The following GLDN variants were observed in gnomAD, a reference collection of about 807,000 sequenced individuals.
GLDN encodes gliomedin.
Under a neutral mutation model 56.5 loss-of-function variants are expected in GLDN, and 47 were observed. That is an observed-to-expected ratio of 0.83 (90% CI 0.66 to 1.06). GLDN has a LOEUF of 1.06. Ranked by LOEUF, GLDN falls within the 50% of genes least tolerant of loss-of-function variation. The pLI is 0.00. For synonymous variants in GLDN, 332 were observed against 278.8 expected, an observed-to-expected ratio of 1.19 and a Z score of -1.90; for missense variants, 782 against 714.3, an observed-to-expected ratio of 1.09 and a Z score of -1.08.
At chr15:51,350,608 T>G (rs1352300848) in intron 1 of GLDN, among the ~76,000 whole-genome samples, 1 of 152,166 alleles carries the variant, frequency 6.6e-6, no homozygotes, top group Non-Finnish European at 1.5e-5. Context: ...CAGCCATATC[T>G]CTGCTAAGAT....
At position 51,376,211 on chromosome 15, in the gene GLDN, C is replaced by T. The variant is rs567968392; in HGVS notation, c.364-1238C>T. Among the ~76,000 whole-genome samples the T allele has an allele frequency of 3.3e-5, 5 of 152,306 alleles. No homozygotes were observed. In the South Asian group the frequency reaches 1.0e-3, roughly 32 times the overall value. ...GGAAACTAGATGCCATAGCCTACAA[C>T]ACACCTCAGCTATGTGGAAAAGCCT... On this transcript the variant is annotated intron_variant, in intron 1 of 9. Coordinates refer to ENST00000335449, the MANE Select transcript of GLDN (RefSeq NM_181789.4).
chr15:51,369,399 A>G (rs764531), intron 1 of GLDN, among the ~76,000 whole-genome samples: 1 of 152,276 alleles, frequency 6.6e-6, no homozygotes, highest in Admixed American at 6.5e-5. Flanking sequence ...GCATTTAAAC[A>G]GTGTTCCAGC....
intron 1 of GLDN, among the ~76,000 whole-genome samples, chr15:51,346,899 C>A (rs750920728): frequency 6.6e-5 from 10 of 152,130 alleles, no homozygotes; most frequent in Non-Finnish European, 1.5e-4. Context: ...AACCCTGTCT[C>A]TACTAAAAAT....
chr15:51,381,580 A>C (rs1271583154), intron 2 of GLDN, among the ~76,000 whole-genome samples: 1 of 152,028 alleles, frequency 6.6e-6, no homozygotes, highest in Non-Finnish European at 1.5e-5. Context: ...AATAGCCTCT[A>C]TCCATCTGTA....
In GLDN at chr15:51,349,951, G is replaced by A. The variant is rs368262209; in HGVS notation, c.363+7904G>A. On this transcript the variant is annotated intron_variant, in intron 1 of 9. Transcript: ENST00000335449. ...GTAGAGACGGGGTTTCACCGTGTTA[G>A]CCAGGATGGTCCTGATCTCCTGACC... is the stretch of plus-strand genomic sequence containing the variant. 1.7e-3 allele frequency among the ~76,000 whole-genome samples: 260 copies of A among 152,202 alleles called. 1 individual carries two copies. The highest frequency in any genetic ancestry group is 6.0e-3 in the African/African-American group (250 of 41,524).
At chr15:51,369,781 CTG>C (rs900709663) in intron 1 of GLDN, among the ~76,000 whole-genome samples, 45 of 152,162 alleles carry the variant, frequency 3.0e-4, no homozygotes, top group African/African-American at 9.9e-4. Context: ...AAGCAAAAAT[CTG>C]TGTTTCAAGT....
chr15:51,366,061 A>G (rs1399635631), intron 1 of GLDN, among the ~76,000 whole-genome samples: 1 of 152,254 alleles, frequency 6.6e-6, no homozygotes, highest in Non-Finnish European at 1.5e-5. Flanking sequence ...AAATGGATTT[A>G]CAGATGCTTC....
At chr15:51,373,620 C>T (rs2459400) in intron 1 of GLDN, among the ~76,000 whole-genome samples, 1,815 of 152,304 alleles carry the variant, frequency 0.012, 10 homozygotes, top group Non-Finnish European at 0.017. Context: ...CAGTGAAGCT[C>T]ACCATGTAAA....
chr15:51,383,538 G>A, intron 3 of GLDN, 85 bp downstream of exon 3: 2 of 1,511,342 alleles, frequency 1.3e-6, no homozygotes, highest in Non-Finnish European at 1.8e-6. Flanking sequence ...GATGCGGGGA[G>A]GGCAAGAGCC....
chr15:51,368,794 T>C (rs1189497770), intron 1 of GLDN, among the ~76,000 whole-genome samples: 1 of 152,190 alleles, frequency 6.6e-6, no homozygotes, highest in Non-Finnish European at 1.5e-5. Flanking sequence ...CATATGACTA[T>C]GTAAGCTGAT....
chr15:51,400,778 T>C (rs182463841), intron 8 of GLDN, among the ~76,000 whole-genome samples: 39 of 152,342 alleles, frequency 2.6e-4, no homozygotes, highest in Admixed American at 6.5e-4. Context: ...AATAGCATTA[T>C]GACTGCAGGC....
rs574412532 is a variant in GLDN at position 51,390,871 on chromosome 15, AG to A, written c.542-3960del. Among the ~76,000 whole-genome samples the A allele has an allele frequency of 1.2e-3, 177 of 152,330 alleles. 1 individual carries two copies. The highest frequency in any genetic ancestry group is 1.8e-3 in the Non-Finnish European group (122 of 68,028). On this transcript the variant is annotated intron_variant, in intron 4 of 9. Transcript: ENST00000335449. ...AGAATGTGCCAACTCAAAGCCAGCC[AG>A]GGGTCCAGATCACATAGTGTCATAG...
intron 1 of GLDN, among the ~76,000 whole-genome samples, chr15:51,374,080 A>G (rs2037573065): frequency 6.6e-6 from 1 of 152,212 alleles, no homozygotes; most frequent in Admixed American, 6.5e-5. Context: ...GATTAACATA[A>G]TTTACTGGTA....
chr15:51,371,225 G>A (rs1327387916), intron 1 of GLDN, among the ~76,000 whole-genome samples: 1 of 152,170 alleles, frequency 6.6e-6, no homozygotes, highest in East Asian at 1.9e-4. Context: ...CTTTCCAATA[G>A]TACATATAGA....
chr15:51,404,748 T>A lies in GLDN; in HGVS notation c.1650T>A (p.Asn550Lys), dbSNP rs778874933. ...TGCAGTTTTTGTCAACTACCTTAAA[T>A]CAGTGATGTGCTGCATTCGGCTCCC... ...YPVQFLSTTL[N>K]Q is the part of the protein sequence containing the mutation. Residue 550 changes from asparagine to lysine, a missense_variant, in exon 10 of 10, where the codon AAT becomes AAA. Asn to Lys is a moderately conservative substitution (Grantham distance 94). Transcript: ENST00000335449. 6.5e-7 allele frequency: 1 copy of A among 1,526,724 alleles called. No homozygotes were observed. Among genetic ancestry groups the A allele is most frequent in the East Asian group, 2.3e-5 (1 of 44,364 alleles). 94.6% of individuals were successfully genotyped at this position (1,526,724 alleles called of 1,614,324 possible). A position where few individuals can be genotyped will look rare whatever the true frequency, so the allele number is the denominator to read the frequency against.
At chr15:51,377,377 C>A in intron 1 of GLDN, 72 bp from the exon 2 acceptor site, 1 of 1,285,062 alleles carries the variant, frequency 7.8e-7, no homozygotes, top group Non-Finnish European at 1.1e-6. Context: ...TTGCTTTCTG[C>A]TCGTCTGAAT....
At chr15:51,385,212 C>T (rs950740933) in intron 4 of GLDN, 2 of 152,098 alleles carry the variant, frequency 1.3e-5, no homozygotes, top group Non-Finnish European at 2.9e-5. Flanking sequence ...TGGGAAGACT[C>T]CAAAAATGTG....
At chr15:51,408,372 C>T (rs1015095455), downstream of GLDN, among the ~76,000 whole-genome samples, 1 of 152,182 alleles carries the variant, frequency 6.6e-6, no homozygotes, top group Non-Finnish European at 1.5e-5. Context: ...CTCTTAATCC[C>T]TCAGAGCCTC....
chr15:51,411,315 C>A (rs375951041), downstream of GLDN, among the ~76,000 whole-genome samples: 9 of 152,198 alleles, frequency 5.9e-5, no homozygotes, highest in African/African-American at 1.9e-4. Context: ...GAGTTACCAA[C>A]CTCCAAAGAA....
Sources: allele counts gnomAD v4.1 joint callset (sites outside exome capture counted in the v4.1 genomes callset), GRCh38; gene constraint gnomAD v4.1.1; transcripts MANE v1.5; gene names NCBI Gene and HGNC (gene_info 2026-07-23, HGNC 2026-07-21).